Variants in EYS observed in about 807,000 individuals in gnomAD.
The protein encoded by EYS is EGF-like photoreceptor maintenance factor.
Under a neutral mutation model 282.1 loss-of-function variants are expected in EYS, and 250 were observed. The observed-to-expected ratio is 0.89, with a 90% confidence interval of 0.80 to 0.98. The LOEUF (loss-of-function observed/expected upper bound fraction) is 0.98, where lower values mean the gene tolerates loss of function less well. Ranked by LOEUF, EYS falls within the 50% of genes least tolerant of loss-of-function variation. The pLI, the probability that EYS is intolerant of heterozygous loss-of-function variation, is 0.00. For missense variants in EYS, 4,016 were observed against 3,709.0 expected, an observed-to-expected ratio of 1.08 and a Z score of -2.15; for synonymous variants, 1,355 against 1,282.9, an observed-to-expected ratio of 1.06 and a Z score of -1.20.
At chr6:64,822,972 G>A (rs1035513688) in intron 19 of EYS, 150 bp from the exon 20 acceptor site, 1 of 626,558 alleles carries the variant, frequency 1.6e-6, no homozygotes, top group African/African-American at 1.9e-5. Flanking sequence ...TATATTTCAA[G>A]GTTAAATATA....
intron 5 of EYS, among the ~76,000 whole-genome samples, chr6:65,408,891 G>A (rs1050276074): frequency 1.3e-5 from 2 of 152,012 alleles, no homozygotes; most frequent in African/African-American, 4.8e-5. Flanking sequence ...CACTGTTTTA[G>A]CTAAGCACTG....
chr6:65,699,668 A>G (rs554451912), intron 1 of EYS, among the ~76,000 whole-genome samples: 1 of 152,304 alleles, frequency 6.6e-6, no homozygotes, highest in East Asian at 1.9e-4. Context: ...GAAGACATGA[A>G]CATTCTTCTG....
intron 22 of EYS, among the ~76,000 whole-genome samples, chr6:64,636,687 T>A (rs1005299127): frequency 1.3e-5 from 2 of 151,944 alleles, no homozygotes; most frequent in Non-Finnish European, 2.9e-5. Flanking sequence ...TGCAACCTAC[T>A]CATCTGACAA....
intron 5 of EYS, among the ~76,000 whole-genome samples, chr6:65,434,719 C>T (rs1029319044): frequency 1.4e-5 from 2 of 145,458 alleles, no homozygotes; most frequent in Non-Finnish European, 2.9e-5. Flanking sequence ...CATCATACTT[C>T]TTCTCCTGAA....
At chr6:64,818,612 A>G (rs1422606402) in intron 21 of EYS, among the ~76,000 whole-genome samples, 1 of 152,158 alleles carries the variant, frequency 6.6e-6, no homozygotes, top group Non-Finnish European at 1.5e-5. Flanking sequence ...CCACTGGTGG[A>G]AGGTCCAAGA....
intron 12 of EYS, among the ~76,000 whole-genome samples, chr6:65,284,243 A>C (rs1239912708): frequency 6.6e-6 from 1 of 152,144 alleles, no homozygotes; most frequent in Non-Finnish European, 1.5e-5. Flanking sequence ...CTTCTCAAAA[A>C]GAAGTCTGGC....
At chr6:64,902,041 G>A in intron 18 of EYS, 72 bp downstream of exon 18, 1 of 985,174 alleles carries the variant, frequency 1.0e-6, no homozygotes, top group Non-Finnish European at 1.5e-6. Flanking sequence ...TACATAATGA[G>A]CACATGTGTG....
chr6:64,744,710 A>G (rs1404954605), intron 22 of EYS, among the ~76,000 whole-genome samples: 1 of 152,152 alleles, frequency 6.6e-6, no homozygotes, highest in Non-Finnish European at 1.5e-5. Flanking sequence ...CACTGAAAAA[A>G]CAGTTCCCTT....
intron 4 of EYS, among the ~76,000 whole-genome samples, chr6:65,492,883 T>C (rs914258710): frequency 6.6e-6 from 1 of 152,134 alleles, no homozygotes; most frequent in African/African-American, 2.4e-5. Context: ...CAGCCTACAA[T>C]GGCTTATTGA....
chr6:65,318,575 T>C (rs1328037801), intron 11 of EYS, among the ~76,000 whole-genome samples: 1 of 147,278 alleles, frequency 6.8e-6, no homozygotes, highest in Non-Finnish European at 1.5e-5. Context: ...TTATATGTAT[T>C]ACATATATTT....
intron 12 of EYS, among the ~76,000 whole-genome samples, chr6:65,280,631 C>T (rs1371304518): frequency 1.3e-5 from 2 of 151,252 alleles, no homozygotes; most frequent in Admixed American, 6.6e-5. Flanking sequence ...TTTTTTAATT[C>T]GGTCTGTGGG....
At chr6:64,453,658 C>T (rs1261993911) in intron 26 of EYS, among the ~76,000 whole-genome samples, 1 of 152,086 alleles carries the variant, frequency 6.6e-6, no homozygotes, top group Non-Finnish European at 1.5e-5. Flanking sequence ...ACATTTACAC[C>T]ATGGGATACT....
At chr6:64,962,723 G>T (rs2150106865) in intron 14 of EYS, among the ~76,000 whole-genome samples, 1 of 152,030 alleles carries the variant, frequency 6.6e-6, no homozygotes, top group African/African-American at 2.4e-5. Context: ...ACTCCAGCCT[G>T]GGCAACAGAA....
chr6:64,522,532 G>T (rs1244922868), intron 26 of EYS, among the ~76,000 whole-genome samples: 1 of 151,636 alleles, frequency 6.6e-6, no homozygotes, highest in East Asian at 1.9e-4. Context: ...TATCTGTATG[G>T]TCTTTTGTGA....
At chr6:65,256,714 G>A (rs201403300) in intron 12 of EYS, among the ~76,000 whole-genome samples, 7 of 18,772 alleles carry the variant, frequency 3.7e-4, no homozygotes, top group Admixed American at 7.0e-4. Context: ...ATTGTGAATA[G>A]TGCCGCAATA....
At chr6:65,363,189 T>C (rs1764780935) in intron 8 of EYS, among the ~76,000 whole-genome samples, 1 of 84,892 alleles carries the variant, frequency 1.2e-5, no homozygotes, top group Non-Finnish European at 2.6e-5. Flanking sequence ...TAAAATGATA[T>C]TAAAACTCTT....
chr6:65,615,806 C>T (rs1409213098), intron 2 of EYS, among the ~76,000 whole-genome samples: 3 of 151,682 alleles, frequency 2.0e-5, no homozygotes, highest in South Asian at 2.1e-4. Flanking sequence ...TGGTGGCGGG[C>T]GCCTGCAGTC....
At chr6:63,911,112 G>A (rs139518614) in intron 35 of EYS, among the ~76,000 whole-genome samples, 1,868 of 118,706 alleles carry the variant, frequency 0.016, 35 homozygotes, top group African/African-American at 0.052. Flanking sequence ...CTAGGTTGAA[G>A]TCATTGGTTA....
chr6:65,465,189 T>G (rs1420089730), intron 5 of EYS, among the ~76,000 whole-genome samples: 1 of 152,050 alleles, frequency 6.6e-6, no homozygotes. Context: ...AGAAACCAGT[T>G]GTGGTGCTTC....
Sources: allele counts gnomAD v4.1 joint callset (sites outside exome capture counted in the v4.1 genomes callset), GRCh38; gene constraint gnomAD v4.1.1; transcripts MANE v1.5; gene names NCBI Gene and HGNC (gene_info 2026-07-23, HGNC 2026-07-21).